LRRC74A: variants seen among roughly 807,000 people sequenced by gnomAD.
LRRC74A encodes leucine rich repeat containing 74A, also known as leucine-rich repeat-containing protein 74A.
In LRRC74A, 44 loss-of-function variants were observed where a neutral mutation model predicts 57.9. The ratio of observed to expected loss-of-function variants is 0.76; its 90% CI spans 0.60 to 0.98. LRRC74A has a LOEUF of 0.98. Ranked by LOEUF, LRRC74A falls within the 50% of genes least tolerant of loss-of-function variation. The pLI is 0.00. For synonymous variants in LRRC74A, 211 were observed against 219.4 expected (o/e 0.96, Z 0.34); for missense variants, 572 against 574.0 (o/e 1.00, Z 0.04).
intron 9 of LRRC74A, among the ~76,000 whole-genome samples, chr14:76,854,685 A>G (rs1897760158): frequency 6.6e-6 from 1 of 152,210 alleles, no homozygotes; most frequent in South Asian, 2.1e-4. Context: ...AGTGTTGGGC[A>G]CACTGTAGAA....
chr14:76,832,714 T>G (rs1282086522), intron 3 of LRRC74A, among the ~76,000 whole-genome samples: 1 of 152,248 alleles, frequency 6.6e-6, no homozygotes, highest in African/African-American at 2.4e-5. Context: ...AGCAGCTGCA[T>G]GCTTTTGGTG....
intron 5 of LRRC74A, among the ~76,000 whole-genome samples, chr14:76,843,303 A>G (rs889553419): frequency 1.6e-4 from 2 of 12,872 alleles, no homozygotes; most frequent in African/African-American, 1.1e-4. Context: ...AAAAAAAAAA[A>G]AAAAAAAAAA....
At chr14:76,870,010 C>T (rs1899325546) in intron 13 of LRRC74A, 115 bp from the exon 14 acceptor site, 2 of 1,114,492 alleles carry the variant, frequency 1.8e-6, no homozygotes, top group Admixed American at 4.0e-5. Flanking sequence ...ACCTCTAAGG[C>T]CAGAGATGGG....
intron 5 of LRRC74A, among the ~76,000 whole-genome samples, chr14:76,840,796 G>C (rs988897432): frequency 6.6e-6 from 1 of 151,876 alleles, no homozygotes; most frequent in Non-Finnish European, 1.5e-5. Context: ...TGTTAGCCAG[G>C]ATGGTCTTGA....
chr14:76,869,561 G>A (rs1899263591), intron 13 of LRRC74A, among the ~76,000 whole-genome samples: 1 of 152,072 alleles, frequency 6.6e-6, no homozygotes, highest in South Asian at 2.1e-4. Context: ...GACCAGCCTG[G>A]CCAAGATGGT....
intron 5 of LRRC74A, among the ~76,000 whole-genome samples, chr14:76,841,271 A>G (rs1896749321): frequency 6.6e-6 from 1 of 151,900 alleles, no homozygotes; most frequent in African/African-American, 2.4e-5. Context: ...CGAACTCCTG[A>G]CCTCAAGTGA....
intron 11 of LRRC74A, among the ~76,000 whole-genome samples, chr14:76,864,425 G>A (rs1183522533): frequency 4.5e-4 from 5 of 11,154 alleles, no homozygotes; most frequent in Non-Finnish European, 1.0e-3. Context: ...GGGGGGGGGT[G>A]GCGGGGGGAA....
intron 7 of LRRC74A, 102 bp from the exon 8 acceptor site, chr14:76,852,263 C>A: frequency 2.6e-6 from 2 of 764,772 alleles, no homozygotes; most frequent in Non-Finnish European, 4.1e-6. Context: ...CTTGCATGAC[C>A]ACTGAGTGGT....
At chr14:76,864,645 G>T (rs1053892994) in intron 11 of LRRC74A, among the ~76,000 whole-genome samples, 1 of 152,196 alleles carries the variant, frequency 6.6e-6, no homozygotes, top group Non-Finnish European at 1.5e-5. Flanking sequence ...CTTGAGGTCA[G>T]AAGTTCAAGA....
intron 5 of LRRC74A, 90 bp downstream of exon 5, chr14:76,838,061 G>T: frequency 1.2e-6 from 1 of 848,304 alleles, no homozygotes; most frequent in South Asian, 1.7e-5. Context: ...CATTGAACCA[G>T]ACCATGTCCT....
intron 4 of LRRC74A, among the ~76,000 whole-genome samples, chr14:76,837,090 C>T (rs901101741): frequency 7.3e-4 from 110 of 150,560 alleles, no homozygotes; most frequent in African/African-American, 2.5e-3. Context: ...TGCAGTTAGC[C>T]GAGATGACGC....
chr14:76,859,192 C>T (rs547910369), intron 10 of LRRC74A, among the ~76,000 whole-genome samples: 23 of 152,204 alleles, frequency 1.5e-4, no homozygotes, highest in African/African-American at 2.9e-4. Context: ...AGGCAGTACA[C>T]GTTGGAAGGC....
In LRRC74A at chr14:76,829,422, GCTTCTTGTCCA is replaced by G. The variant is rs1370682183; in HGVS notation, c.166+1008_166+1018del. ...CAGGCAGCTTGTTGCTCTTTTTCTGGCTTCTTGTCCACTTCAAGTCTGTTGTTAACGTTGCT... is the reference window on the plus strand; with the variant it reads ...CAGGCAGCTTGTTGCTCTTTTTCTGGCTTCAAGTCTGTTGTTAACGTTGCT... On this transcript the variant is annotated intron_variant, in intron 2 of 13. Coordinates refer to ENST00000689127, the MANE Select transcript of LRRC74A (RefSeq NM_001385106.1). Among the ~76,000 whole-genome samples the G allele has an allele frequency of 2.0e-5, 3 of 152,136 alleles. No homozygotes were observed. In the South Asian group the frequency reaches 6.2e-4, roughly 31 times the overall value.
At position 76,836,205 on chromosome 14, in the gene LRRC74A, AG is replaced by A; in HGVS notation, c.340-1del. 6.2e-7 allele frequency: 1 copy of A among 1,611,322 alleles called. No homozygotes were observed. Among genetic ancestry groups the A allele is most frequent in the South Asian group, 1.1e-5 (1 of 90,832 alleles). On this transcript the variant is annotated splice_acceptor_variant, in intron 3 of 13. Transcript: ENST00000689127. LOFTEE classifies it high-confidence loss of function. ...CTCTCCCTCCCCTTGTGCTGGCTGA[AG>A]TCCAACATGGCTGTTACCAAACTGG...
intron 11 of LRRC74A, among the ~76,000 whole-genome samples, chr14:76,862,032 G>GTT (rs1363782514): frequency 2.6e-5 from 4 of 152,244 alleles, no homozygotes; most frequent in Non-Finnish European, 4.4e-5. Flanking sequence ...AGGCAAACCT[G>GTT]TTTTGCAAGG....
chr14:76,860,047 A>G (rs973666470), intron 10 of LRRC74A, among the ~76,000 whole-genome samples: 5 of 152,174 alleles, frequency 3.3e-5, no homozygotes, highest in African/African-American at 1.2e-4. Flanking sequence ...CCTCTTTTGT[A>G]GATGCTCCTA....
chr14:76,835,221 G>T (rs569153361), intron 3 of LRRC74A, among the ~76,000 whole-genome samples: 6 of 152,028 alleles, frequency 3.9e-5, no homozygotes, highest in Non-Finnish European at 8.8e-5. Context: ...AGTGGCTCAC[G>T]CCTGTAATCT....
intron 1 of LRRC74A, among the ~76,000 whole-genome samples, chr14:76,827,376 G>A (rs954520643): frequency 6.6e-6 from 1 of 152,176 alleles, no homozygotes; most frequent in African/African-American, 2.4e-5. Context: ...GTCAAAACTT[G>A]GGACCCCTGC....
At position 76,829,012 on chromosome 14, in the gene LRRC74A, C is replaced by G. The variant is rs944164407; in HGVS notation, c.166+593C>G. 3 of 1,289,064 alleles carry G rather than the reference C, an allele frequency of 2.3e-6. No individual in the cohort carries two copies. In the African/African-American group the frequency reaches 4.6e-5, roughly 20 times the overall value. The allele number at this position is 1,289,064 out of a possible 1,614,324, so 79.9% of individuals were successfully genotyped here. On this transcript the variant is annotated intron_variant, in intron 2 of 13. Coordinates refer to ENST00000689127, the MANE Select transcript of LRRC74A (RefSeq NM_001385106.1). ...ACTTTTCTTGATAAATCTAAGCATG[C>G]CTGGGTATCGGGACTGGCTGAGCTG...
Sources: allele counts gnomAD v4.1 joint callset (sites outside exome capture counted in the v4.1 genomes callset), GRCh38; gene constraint gnomAD v4.1.1; transcripts MANE v1.5; gene names NCBI Gene and HGNC (gene_info 2026-07-23, HGNC 2026-07-21).